Variants in ATP2B4 observed in about 807,000 individuals in gnomAD.
ATP2B4 encodes ATPase plasma membrane Ca2+ transporting 4.
ATP2B4 carries 39 observed loss-of-function variants against 110.3 expected under a neutral mutation model. The ratio of observed to expected loss-of-function variants is 0.35; its 90% confidence interval spans 0.27 to 0.46. The LOEUF (loss-of-function observed/expected upper bound fraction) is 0.46, where lower values mean the gene tolerates loss of function less well. ATP2B4 is among the 20% of genes least tolerant of loss of function. The pLI is 1.00. For synonymous variants in ATP2B4, 538 were observed against 571.7 expected (o/e 0.94, Z 0.84); for missense variants, 1,135 against 1,530.9 (o/e 0.74, Z 4.32).
At chr1:203,636,471 A>T (rs1663442321) in intron 1 of ATP2B4, among the ~76,000 whole-genome samples, 1 of 152,144 alleles carries the variant, frequency 6.6e-6, no homozygotes. Context: ...ACGTAGGCTC[A>T]TGTAGGTGAC....
At chr1:203,640,513 TG>T (rs1476189092) in intron 1 of ATP2B4, among the ~76,000 whole-genome samples, 1 of 151,098 alleles carries the variant, frequency 6.6e-6, no homozygotes, top group East Asian at 1.9e-4. Flanking sequence ...TTAGTAGAGG[TG>T]GGGTTTCGCC....
At chr1:203,660,097 AAAAG>A (rs1553245083) in intron 1 of ATP2B4, among the ~76,000 whole-genome samples, 16 of 120,652 alleles carry the variant, frequency 1.3e-4, no homozygotes, top group African/African-American at 4.9e-4. Flanking sequence ...AAAAAAAAAA[AAAAG>A]AAAGAAAGAA....
chr1:203,683,482 C>T (rs1332151762), intron 2 of ATP2B4, 84 bp downstream of exon 2: 1 of 1,395,446 alleles, frequency 7.2e-7, no homozygotes, highest in Non-Finnish European at 9.7e-7. Context: ...AGAGAAGGCA[C>T]ATTTCTGGAG....
chr1:203,648,507 G>T (rs1253857238), intron 1 of ATP2B4, among the ~76,000 whole-genome samples: 1 of 152,144 alleles, frequency 6.6e-6, no homozygotes, highest in Non-Finnish European at 1.5e-5. Flanking sequence ...ACAGCCCGAG[G>T]TGCCAGCCTC....
At chr1:203,730,230 TA>T (rs111392425) in intron 20 of ATP2B4, among the ~76,000 whole-genome samples, 10,275 of 137,052 alleles carry the variant, frequency 0.075, 445 homozygotes, top group African/African-American at 0.11. Flanking sequence ...AGAGCTGAAT[TA>T]AAAAAAAAAA....
chr1:203,648,823 A>C (rs1160985258), intron 1 of ATP2B4, among the ~76,000 whole-genome samples: 1 of 152,202 alleles, frequency 6.6e-6, no homozygotes, highest in Non-Finnish European at 1.5e-5. Context: ...TTGGGTTTCC[A>C]TTATGAATAT....
intron 1 of ATP2B4, among the ~76,000 whole-genome samples, chr1:203,674,637 C>CTTTTTTTTTTTTTTTT (rs57153257): frequency 2.2e-5 from 1 of 46,228 alleles, no homozygotes; most frequent in Non-Finnish European, 3.9e-5. Context: ...CCACACCTGG[C>CTTTTTTTTTTTTTTTT]TTTTTTTTTT....
chr1:203,739,801 G>T lies in ATP2B4; in HGVS notation c.3565G>T (p.Val1189Leu). The change falls in exon 21 of 21, where the codon GTG (valine) becomes TTG (leucine). Residue 1189 changes from valine to leucine, a missense_variant. By Grantham distance (32) the Val-to-Leu change is conservative. This residue lies in a region of ATP2B4 where 92 missense variants were observed against 82.5 expected (regional missense o/e 1.11). Transcript: ENST00000357681. ...CAACAATGCGGTGGATTGCAACCAA[G>T]TGCAGCTCCCCCAGTCGGACAGCTC... ...TNNNAVDCNQ[V>L]QLPQSDSSLQ... is the part of the protein sequence containing the mutation. 3.1e-6 allele frequency: 5 copies of T among 1,614,162 alleles called. No homozygotes were observed. The highest frequency in any genetic ancestry group is 4.2e-6 in the Non-Finnish European group (5 of 1,180,026).
chr1:203,714,995 C>T (rs1485570919), intron 15 of ATP2B4, among the ~76,000 whole-genome samples: 1 of 152,168 alleles, frequency 6.6e-6, no homozygotes, highest in African/African-American at 2.4e-5. Context: ...ACCTGTCACT[C>T]AGCTTCAACT....
chr1:203,672,341 TTTTTTTTTTTTTTTTA>T (rs1247243589), intron 1 of ATP2B4, among the ~76,000 whole-genome samples: 1 of 139,134 alleles, frequency 7.2e-6, no homozygotes, highest in African/African-American at 2.8e-5. Context: ...TTTTTTTTTT[TTTTTTTTTTTTTTTTA>T]AAGCTGATTT....
rs185546585 is a variant in ATP2B4 at position 203,699,235 on chromosome 1, C to A, written c.392-225C>A. The stretch of plus-strand genomic sequence containing the variant: ...ACTTCCCTAAATTTGATAGTTTGTA[C>A]TATTTAGTCATTTGCCTCTTTTGGA... On this transcript the variant is annotated intron_variant, in intron 3 of 20. Transcript: ENST00000357681. 2.0e-3 allele frequency among the ~76,000 whole-genome samples: 298 copies of A among 152,312 alleles called. 1 individual carries two copies. Among genetic ancestry groups the A allele is most frequent in the Non-Finnish European group, 2.6e-3 (174 of 68,030 alleles).
rs558515745 is a variant in ATP2B4 at position 203,743,991 on chromosome 1, G to A, written c.*4137G>A. 6.6e-6 allele frequency: 1 copy of A among 152,556 alleles called. No individual in the cohort carries two copies. The highest frequency in any genetic ancestry group is 1.5e-5 in the Non-Finnish European group (1 of 68,030). 9.5% of individuals were successfully genotyped at this position (152,556 alleles called of 1,614,324 possible). A position where few individuals can be genotyped will look rare whatever the true frequency, so the allele number is the denominator to read the frequency against. On this transcript the variant is annotated 3_prime_UTR_variant, in exon 21 of 21. Coordinates refer to ENST00000357681, the MANE Select transcript of ATP2B4 (RefSeq NM_001684.5). Reference sequence around the variant, plus strand: ...GAAGAAGAAGAGGAGTTTTAAAAGGGATAATTTGTTGGAGCCAATAAAGCT... The same window carrying A: ...GAAGAAGAAGAGGAGTTTTAAAAGGAATAATTTGTTGGAGCCAATAAAGCT...
At chr1:203,658,572 A>G (rs1043053452) in intron 1 of ATP2B4, among the ~76,000 whole-genome samples, 2 of 152,012 alleles carry the variant, frequency 1.3e-5, no homozygotes, top group African/African-American at 2.4e-5. Context: ...AGACGGGATG[A>G]TGAGCAAATA....
chr1:203,702,085 C>G lies in ATP2B4; in HGVS notation c.937+6C>G. 1.2e-6 allele frequency: 2 copies of G among 1,614,000 alleles called. No homozygotes were observed. Among genetic ancestry groups the G allele is most frequent in the Non-Finnish European group, 1.7e-6 (2 of 1,179,922 alleles). Reference sequence around the variant, plus strand: ...CCCTGAAAATCGCAACAAAGGTAACCTCTCCAACTACTCATTTACCATCTC... The same window carrying G: ...CCCTGAAAATCGCAACAAAGGTAACGTCTCCAACTACTCATTTACCATCTC... On this transcript the variant is annotated splice_donor_region_variant and intron_variant, in intron 7 of 20. Transcript: ENST00000357681.
chr1:203,709,527 A>C lies in ATP2B4; in HGVS notation c.1784A>C (p.Glu595Ala). The C allele has an allele frequency of 6.2e-7, 1 of 1,614,152 alleles. No individual in the cohort carries two copies. Among genetic ancestry groups the C allele is most frequent in the Non-Finnish European group, 8.5e-7 (1 of 1,180,026 alleles). Residue 595 changes from glutamate (E) to alanine (A), a missense_variant, in exon 11 of 21, where the codon GAG (glutamate) becomes GCG (alanine). Transcript: ENST00000357681. Reference sequence around the variant, plus strand: ...CGTATGTACAGCAAGGGCGCCTCTGAGATCATCTTGCGCAAGTGAGCACCC... The same window carrying C: ...CGTATGTACAGCAAGGGCGCCTCTGCGATCATCTTGCGCAAGTGAGCACCC... ...GFRMYSKGAS[E>A]IILRKCNRIL...
chr1:203,715,549 T>A (rs1666137121), intron 15 of ATP2B4, among the ~76,000 whole-genome samples: 1 of 142,352 alleles, frequency 7.0e-6, no homozygotes, highest in Admixed American at 7.0e-5. Context: ...CAAGATTCCG[T>A]CTCAAAAAAA....
Position 203,708,019 on chromosome 1 carries a change from C to G in ATP2B4, c.1472C>G (p.Pro491Arg). The part of the protein sequence containing the change: ...YIGGIHYRQI[P>R]SPDVFLPKVL... ...GGGGGCATCCATTACCGTCAAATCC[C>G]AAGCCCTGATGTCTTCCTGCCCAAA... The change falls in exon 10 of 21, where the codon CCA (proline) becomes CGA (arginine). Residue 491 changes from proline to arginine, a missense_variant. By Grantham distance (103) the Pro-to-Arg change is moderately radical. Coordinates refer to ENST00000357681, the MANE Select transcript of ATP2B4 (RefSeq NM_001684.5). 4 of 1,614,190 alleles carry G rather than the reference C, an allele frequency of 2.5e-6. No individual in the cohort carries two copies. The highest frequency in any genetic ancestry group is 3.4e-6 in the Non-Finnish European group (4 of 1,180,036).
In ATP2B4 at chr1:203,707,869, T is replaced by A; in HGVS notation, c.1322T>A (p.Met441Lys). 6.2e-7 allele frequency: 1 copy of A among 1,613,874 alleles called. No individual in the cohort carries two copies. Among genetic ancestry groups the A allele is most frequent in the Non-Finnish European group, 8.5e-7 (1 of 1,179,736 alleles). The change falls in exon 10 of 21, where the codon ATG becomes AAG. Residue 441 changes from methionine (M) to lysine (K), a missense_variant. Transcript: ENST00000357681. ...TTCTCTTCTCCTTTGTAGAAAATGA[T>A]GAAAGACAATAACCTAGTACGGCAC... ...ISLAYSVKKMMKDNNLVRHLD... is the reference protein window; with the variant it reads ...ISLAYSVKKMKKDNNLVRHLD...
chr1:203,739,954 C>A lies in ATP2B4; in HGVS notation c.*100C>A. On this transcript the variant is annotated 3_prime_UTR_variant, in exon 21 of 21. Transcript: ENST00000357681. ...GGACTTTTCATTGTCACGTCAGCTGCTGTGTTAACAGCAGTGTGTGTGAAG... is the reference window on the plus strand; with the variant it reads ...GGACTTTTCATTGTCACGTCAGCTGATGTGTTAACAGCAGTGTGTGTGAAG... 1 of 1,272,268 alleles carries A rather than the reference C, an allele frequency of 7.9e-7. No individual in the cohort carries two copies. Among genetic ancestry groups the A allele is most frequent in the Non-Finnish European group, 1.1e-6 (1 of 927,020 alleles). 78.8% of individuals were successfully genotyped at this position (1,272,268 alleles called of 1,614,324 possible).
Sources: gnomAD v4.1 joint callset for allele counts (sites outside exome capture counted in the v4.1 genomes callset) on GRCh38, gnomAD v4.1.1 for gene constraint, gnomAD v4.1.1 regional missense constraint, MANE v1.5 for transcripts, NCBI Gene and HGNC (gene_info 2026-07-23, HGNC 2026-07-21) for gene names.